The following CRYGN variants were observed in gnomAD, a reference collection of about 807,000 sequenced individuals.
CRYGN encodes crystallin gamma N.
A neutral mutation model predicts 19.2 loss-of-function variants in CRYGN; 17 were observed. That is an observed-to-expected ratio of 0.89 (90% CI 0.61 to 1.33). The LOEUF (loss-of-function observed/expected upper bound fraction) is 1.33. Among genes scored for constraint, CRYGN ranks in the 40% most tolerant of loss-of-function variants. The pLI is 0.00. For missense variants in CRYGN, 239 were observed against 239.6 expected, an observed-to-expected ratio of 1.00 and a Z score of 0.02; for synonymous variants, 84 against 85.8, an observed-to-expected ratio of 0.98 and a Z score of 0.12.
Position 151,430,163 on chromosome 7 carries a change from C to G in CRYGN, c.434G>C (p.Ser145Thr). ...CAGCTGGAAGTCCTCAGCTCCGAAG[C>G]TTCTAGGGCTCCATGCTCTGTGGTT... ...YGDGAAWSPRSFGAEDFQLSS... is the reference protein window; with the variant it reads ...YGDGAAWSPRTFGAEDFQLSS... Residue 145 changes from serine (S) to threonine (T), a missense_variant, in exon 4 of 4, where the codon AGC becomes ACC. Transcript: ENST00000337323. This position sits in a 1 kb window ranked among gnomAD's most constrained non-coding sequence, Gnocchi z 5.2. The G allele has an allele frequency of 6.2e-7, 1 of 1,614,004 alleles. No homozygotes were observed. Among genetic ancestry groups the G allele is most frequent in the Non-Finnish European group, 8.5e-7 (1 of 1,180,006 alleles).
intron 1 of CRYGN, chr7:151,439,173 T>C (rs945997487): frequency 2.0e-5 from 3 of 152,354 alleles, no homozygotes; most frequent in African/African-American, 7.2e-5. Context: ...GAGTCAGGCG[T>C]GGCCACATGC....
chr7:151,438,308 C>T (rs1041169008), intron 1 of CRYGN, 64 bp from the exon 2 acceptor site: 22 of 1,519,582 alleles, frequency 1.4e-5, no homozygotes, highest in Admixed American at 5.6e-5. Flanking sequence ...TGGAGGCTGG[C>T]GTCTGGGTCC....
At position 151,436,344 on chromosome 7, in the gene CRYGN, A is replaced by C. The variant is rs754137103; in HGVS notation, c.271-19T>G. On this transcript the variant is annotated intron_variant, in intron 2 of 3. Transcript: ENST00000337323. The surrounding 1 kb of genome is among the most constrained non-coding windows in gnomAD (Gnocchi z 5.1). ...CTCCGTGCTCCAAGACCAAGCAAAA[A>C]AGAAGGAAAGAAGGAGGTTGCTGTG... 53 of 1,501,824 alleles carry C rather than the reference A, an allele frequency of 3.5e-5. No homozygotes were observed. Among genetic ancestry groups the C allele is most frequent in the Admixed American group, 2.7e-4 (12 of 45,164 alleles). 93.0% of individuals were successfully genotyped at this position (1,501,824 alleles called of 1,614,324 possible). A position where few individuals can be genotyped will look rare whatever the true frequency, so the allele number is the denominator to read the frequency against.
At chr7:151,440,210 G>C, upstream of CRYGN, 2 of 780,268 alleles carry the variant, frequency 2.6e-6, no homozygotes, top group East Asian at 3.4e-5. Context: ...CTGCCCTGGA[G>C]TGGTGGGGGG....
In CRYGN at chr7:151,435,220, C is replaced by A. The variant is rs1317435875; in HGVS notation, c.416+960G>T. ...CGATAGGCGCCAGAACCATGCACAGCCAGCTGGAACCTGTGTGAGGGGCTC... is the reference window on the plus strand; with the variant it reads ...CGATAGGCGCCAGAACCATGCACAGACAGCTGGAACCTGTGTGAGGGGCTC... On this transcript the variant is annotated intron_variant, in intron 3 of 3. Transcript: ENST00000337323. This position sits in a 1 kb window ranked among gnomAD's most constrained non-coding sequence, Gnocchi z 4.2. Among the ~76,000 whole-genome samples the A allele has an allele frequency of 1.3e-5, 2 of 152,184 alleles. No homozygotes were observed. The highest frequency in any genetic ancestry group is 4.8e-5 in the African/African-American group (2 of 41,438).
rs1030159397 is a variant in CRYGN at position 151,431,127 on chromosome 7, C to G, written c.417-947G>C. On this transcript the variant is annotated intron_variant, in intron 3 of 3. Coordinates refer to ENST00000337323, the MANE Select transcript of CRYGN (RefSeq NM_144727.3). This position sits in a 1 kb window ranked among gnomAD's most constrained non-coding sequence, Gnocchi z 4.8. ...TCTGGGGTGGGCTATGGTTTCCTCA[C>G]AGGCAGGCTCCATTCAGGACTCTGC... 1.4e-4 allele frequency among the ~76,000 whole-genome samples: 22 copies of G among 152,192 alleles called. No homozygotes were observed. The highest frequency in any genetic ancestry group is 4.6e-4 in the African/African-American group (19 of 41,452).
rs1180493289 is a variant in CRYGN, at chr7:151,438,142, T to C, written c.124A>G (p.Ile42Val). ...ACCCAGGCTCCGCTCTCCACGTGGA[T>C]GGAGTTCACTCGGTTCATAAAGCCC... Reference protein sequence around the residue: ...DRGFMNRVNSIHVESGAWVCF... With the variant: ...DRGFMNRVNSVHVESGAWVCF... Residue 42 changes from isoleucine (I) to valine (V), a missense_variant, in exon 2 of 4, where the codon ATC (isoleucine) becomes GTC (valine). By Grantham distance (29) the Ile-to-Val change is conservative (BLOSUM62 3). Transcript: ENST00000337323. The C allele has an allele frequency of 6.2e-7, 1 of 1,614,208 alleles. No individual in the cohort carries two copies.
In CRYGN at chr7:151,436,419, G is replaced by T. The variant is rs1801611200; in HGVS notation, c.271-94C>A. 7.9e-7 allele frequency: 1 copy of T among 1,271,580 alleles called. No homozygotes were observed. The highest frequency in any genetic ancestry group is 1.1e-6 in the Non-Finnish European group (1 of 949,926). The allele number at this position is 1,271,580 out of a possible 1,614,324, so 78.8% of individuals were successfully genotyped here. On this transcript the variant is annotated intron_variant, in intron 2 of 3. Coordinates refer to ENST00000337323, the MANE Select transcript of CRYGN (RefSeq NM_144727.3). This position sits in a 1 kb window ranked among gnomAD's most constrained non-coding sequence, Gnocchi z 5.1. ...GCCCCATGCAGGAAGGAATTAGGAG[G>T]TACCCAAGGCACTGGGCACCCCCAC...
Position 151,430,236 on chromosome 7 carries a change from C to T in CRYGN, c.417-56G>A, listed in dbSNP as rs1554430983. 2.4e-5 allele frequency: 38 copies of T among 1,577,166 alleles called. 1 individual carries two copies. The South Asian group carries it at 3.7e-4, about 15-fold the overall frequency. ...CAGGGCATTAGGGGTACAGAGCAGG[C>T]CTTTTGGGGACCCATCTACCACATG... On this transcript the variant is annotated intron_variant, in intron 3 of 3. Transcript: ENST00000337323. This position sits in a 1 kb window ranked among gnomAD's most constrained non-coding sequence, Gnocchi z 5.2.
chr7:151,440,238 T>C (rs1408459476), upstream of CRYGN: 4 of 540,782 alleles, frequency 7.4e-6, no homozygotes, highest in Non-Finnish European at 1.2e-5. Context: ...GAGGTGTCTC[T>C]CTAGCCCTCC....
chr7:151,432,848 C>A (rs1801504445), intron 3 of CRYGN, among the ~76,000 whole-genome samples: 1 of 152,220 alleles, frequency 6.6e-6, no homozygotes, highest in African/African-American at 2.4e-5. Context: ...TAAGGACCAC[C>A]TTGCACAGAC....
chr7:151,440,273 C>T (rs1801732891), upstream of CRYGN: 1 of 383,240 alleles, frequency 2.6e-6, no homozygotes, highest in East Asian at 4.5e-5. Flanking sequence ...TGCGCTGCCC[C>T]TCAGCCCTCA....
chr7:151,433,394 G>C lies in CRYGN; in HGVS notation c.416+2786C>G, dbSNP rs1411866916. 1 of 153,190 alleles carries C rather than the reference G, an allele frequency of 6.5e-6. No individual in the cohort carries two copies. Among genetic ancestry groups the C allele is most frequent in the African/African-American group, 2.4e-5 (1 of 41,460 alleles). The allele number at this position is 153,190 out of a possible 1,614,324, so 9.5% of individuals were successfully genotyped here. ...CAAGGAAGACACCTCAGGACAGCTC[G>C]GAGCAGGGGCTGGCCCAACCCTGTC... On this transcript the variant is annotated intron_variant, in intron 3 of 3. Transcript: ENST00000337323. This position sits in a 1 kb window ranked among gnomAD's most constrained non-coding sequence, Gnocchi z 5.1.
intron 2 of CRYGN, 96 bp downstream of exon 2, chr7:151,437,900 G>A: frequency 6.3e-7 from 1 of 1,591,050 alleles, no homozygotes; most frequent in Non-Finnish European, 8.5e-7. Context: ...AAAGCCGGGA[G>A]GACCACGCTC....
chr7:151,440,015 G>T lies in CRYGN; in HGVS notation c.-98C>A. 1 of 1,411,902 alleles carries T rather than the reference G, an allele frequency of 7.1e-7. No individual in the cohort carries two copies. Among genetic ancestry groups the T allele is most frequent in the Non-Finnish European group, 9.3e-7 (1 of 1,079,852 alleles). The allele number at this position is 1,411,902 out of a possible 1,614,324, so 87.5% of individuals were successfully genotyped here. A position where few individuals can be genotyped will look rare whatever the true frequency, so the allele number is the denominator to read the frequency against. On this transcript the variant is annotated 5_prime_UTR_variant, in exon 1 of 4. Transcript: ENST00000337323. ...CAAAAGATTTGCTGGGCCGGCCCCGGAGCGTTAGTGCTGTCGGGCGTGCTA... is the reference window on the plus strand; with the variant it reads ...CAAAAGATTTGCTGGGCCGGCCCCGTAGCGTTAGTGCTGTCGGGCGTGCTA...
rs891992924 is a variant in CRYGN at position 151,430,265 on chromosome 7, G to A, written c.417-85C>T. On this transcript the variant is annotated intron_variant, in intron 3 of 3. Transcript: ENST00000337323. This position sits in a 1 kb window ranked among gnomAD's most constrained non-coding sequence, Gnocchi z 5.2. ...TTGGGGACCCATCTACCACATGGCA[G>A]CAGGGAGCCCCTTCCCCTTTCCTGG... 2.1e-4 allele frequency: 282 copies of A among 1,346,956 alleles called. No homozygotes were observed. Among genetic ancestry groups the A allele is most frequent in the Non-Finnish European group, 2.7e-4 (260 of 961,558 alleles). 83.4% of individuals were successfully genotyped at this position (1,346,956 alleles called of 1,614,324 possible). A position where few individuals can be genotyped will look rare whatever the true frequency, so the allele number is the denominator to read the frequency against.
chr7:151,439,321 T>C (rs182290866), intron 1 of CRYGN, among the ~76,000 whole-genome samples: 1 of 152,308 alleles, frequency 6.6e-6, no homozygotes, highest in East Asian at 1.9e-4. Flanking sequence ...AATGTGGCCT[T>C]GGAGACCAAA....
rs777125867 is a variant in CRYGN, at chr7:151,436,368, T to G, written c.271-43A>C. On this transcript the variant is annotated intron_variant, in intron 2 of 3. Transcript: ENST00000337323. This position sits in a 1 kb window ranked among gnomAD's most constrained non-coding sequence, Gnocchi z 5.1. ...AAAGAAGGAAAGAAGGAGGTTGCTGTGAATTCCCCTCTCCCAGAAACAGAA... is the reference window on the plus strand; with the variant it reads ...AAAGAAGGAAAGAAGGAGGTTGCTGGGAATTCCCCTCTCCCAGAAACAGAA... The G allele has an allele frequency of 2.7e-6, 4 of 1,463,700 alleles. No individual in the cohort carries two copies. The Admixed American group carries it at 9.3e-5, about 34-fold the overall frequency. The allele number at this position is 1,463,700 out of a possible 1,614,324, so 90.7% of individuals were successfully genotyped here. A position where few individuals can be genotyped will look rare whatever the true frequency, so the allele number is the denominator to read the frequency against.
chr7:151,438,643 A>G (rs1482736267), intron 1 of CRYGN, among the ~76,000 whole-genome samples: 1 of 152,264 alleles, frequency 6.6e-6, no homozygotes, highest in East Asian at 1.9e-4. Context: ...TGTTTTCAAA[A>G]GAAGAAATTT....
Sources: allele counts gnomAD v4.1 joint callset (sites outside exome capture counted in the v4.1 genomes callset), GRCh38; gene constraint gnomAD v4.1.1; non-coding constraint Gnocchi (gnomAD v3.1); transcripts MANE v1.5; gene names NCBI Gene and HGNC (gene_info 2026-07-23, HGNC 2026-07-21).